Variants in RABL6 observed in about 807,000 individuals in gnomAD.
The protein encoded by RABL6 is rab-like protein 6.
Under a neutral mutation model 72.9 loss-of-function variants are expected in RABL6, and 28 were observed. The ratio of observed to expected loss-of-function variants is 0.38; its 90% CI spans 0.28 to 0.53. The LOEUF is 0.53. Ranked by LOEUF, RABL6 falls within the 20% of genes least tolerant of loss-of-function variation. RABL6 has a pLI of 0.80. For missense variants in RABL6, 1,029 were observed against 1,008.4 expected (o/e 1.02, Z -0.28); for synonymous variants, 477 against 421.2 (o/e 1.13, Z -1.62).
intron 7 of RABL6, among the ~76,000 whole-genome samples, chr9:136,834,815 C>T (rs1225675407): frequency 1.3e-5 from 2 of 151,720 alleles, no homozygotes; most frequent in Non-Finnish European, 2.9e-5. Context: ...AGGCTGGGCG[C>T]AGTGGCTCAC....
At position 136,839,285 on chromosome 9, in the gene RABL6, C is replaced by T. The variant is rs1848642377; in HGVS notation, c.1557C>T (p.Pro519=). The T allele has an allele frequency of 1.2e-6, 2 of 1,610,592 alleles. No homozygotes were observed. Among genetic ancestry groups the T allele is most frequent in the African/African-American group, 1.3e-5 (1 of 74,898 alleles). Residue 519 remains proline, a synonymous_variant, in exon 12 of 15, where the codon CCC becomes CCT. Coordinates refer to ENST00000311502, the MANE Select transcript of RABL6 (RefSeq NM_024718.5). ...CTCCCACGAGGACCGCAGCACCCCC[C>T]TGGCCAGGCGGTGTCTCTGTTCGCA... ...GTAPTRTAAP[P]WPGGVSVRTG...
intron 7 of RABL6, chr9:136,834,462 C>T (rs754477997): frequency 9.0e-4 from 886 of 984,540 alleles, no homozygotes; most frequent in Non-Finnish European, 1.0e-3. Context: ...TTGTTATAGC[C>T]TGGGGACCTT....
At chr9:136,817,304 C>G (rs1428779961) in intron 1 of RABL6, among the ~76,000 whole-genome samples, 2 of 152,086 alleles carry the variant, frequency 1.3e-5, no homozygotes, top group African/African-American at 4.8e-5. Flanking sequence ...TGAGGACTTT[C>G]CAGAGTTCAT....
intron 1 of RABL6, among the ~76,000 whole-genome samples, chr9:136,819,191 G>A (rs1016772422): frequency 5.3e-5 from 8 of 151,898 alleles, no homozygotes; most frequent in South Asian, 4.2e-4. Flanking sequence ...GCGTGGTGGC[G>A]GGCGCCTGTA....
In RABL6 at chr9:136,837,633, C is replaced by A; in HGVS notation, c.1097C>A (p.Pro366His). The A allele has an allele frequency of 1.3e-5, 21 of 1,596,892 alleles. No homozygotes were observed. The highest frequency in any genetic ancestry group is 1.6e-5 in the Non-Finnish European group (19 of 1,173,382). The change falls in exon 9 of 15, where the codon CCT becomes CAT. Residue 366 changes from proline (P) to histidine (H), a missense_variant. Transcript: ENST00000311502. ...SIISRLFGTS[P>H]ATEAAPPPPE... is the part of the protein sequence containing the mutation. ...ATCTCTAGGCTGTTTGGGACGTCAC[C>A]TGCCACCGAGGCAGCCCCTCCACCT...
chr9:136,838,200 C>T (rs143909013), intron 10 of RABL6, among the ~76,000 whole-genome samples, 185 bp downstream of exon 10: 1,955 of 152,334 alleles, frequency 0.013, 53 homozygotes, highest in African/African-American at 0.042. Context: ...GGCTTCCAGA[C>T]ATCAGAAAGG....
At chr9:136,832,184 CCACAG>C in intron 6 of RABL6, 76 bp from the exon 7 acceptor site, 1 of 1,333,196 alleles carries the variant, frequency 7.5e-7, no homozygotes, top group Non-Finnish European at 1.1e-6. Context: ...CAGTGCGGAC[CCACAG>C]CTGTGGGCCC....
intron 3 of RABL6, 80 bp from the exon 4 acceptor site, chr9:136,828,414 G>A: frequency 7.0e-7 from 1 of 1,432,880 alleles, no homozygotes; most frequent in Non-Finnish European, 9.7e-7. Context: ...GGGGCTGAGT[G>A]GCCATGGGGG....
In RABL6 at chr9:136,841,052, T is replaced by C. The variant is rs2131211134; in HGVS notation, c.*530T>C. ...GAGACCGAAGGCAGCATGTGAGGCC[T>C]CTCCTGGGAGTGGGGGTTGTGTTTC... On this transcript the variant is annotated 3_prime_UTR_variant, in exon 15 of 15. Transcript: ENST00000311502. 6 of 1,418,404 alleles carry C rather than the reference T, an allele frequency of 4.2e-6. No individual in the cohort carries two copies. The South Asian group carries it at 7.8e-5, about 19-fold the overall frequency. The allele number at this position is 1,418,404 out of a possible 1,614,324, so 87.9% of individuals were successfully genotyped here. A position where few individuals can be genotyped will look rare whatever the true frequency, so the allele number is the denominator to read the frequency against.
chr9:136,822,738 G>A (rs1361269042), intron 1 of RABL6, among the ~76,000 whole-genome samples: 1 of 152,156 alleles, frequency 6.6e-6, no homozygotes, highest in Non-Finnish European at 1.5e-5. Flanking sequence ...GGGGCTACCC[G>A]GCACACACGC....
chr9:136,828,350 G>A (rs1364186720), intron 3 of RABL6, 144 bp from the exon 4 acceptor site: 3 of 750,676 alleles, frequency 4.0e-6, no homozygotes, highest in Non-Finnish European at 6.8e-6. Flanking sequence ...GAGCTTGTGG[G>A]TGCCCACGCT....
chr9:136,835,771 G>T lies in RABL6; in HGVS notation c.735G>T (p.Thr245=). Reference sequence around the variant, plus strand: ...AGACGCTGTTGCGGCAGCTGGAGACGAACCAGCTGGACATGGACGCCACGC... The same window carrying T: ...AGACGCTGTTGCGGCAGCTGGAGACTAACCAGCTGGACATGGACGCCACGC... ...QRETLLRQLE[T]NQLDMDATLE... is the part of the protein sequence containing the mutation. The change falls in exon 8 of 15, where the codon ACG becomes ACT. Residue 245 remains threonine, a synonymous_variant. Coordinates refer to ENST00000311502, the MANE Select transcript of RABL6 (RefSeq NM_024718.5). 6.4e-7 allele frequency: 1 copy of T among 1,550,866 alleles called. No homozygotes were observed. The highest frequency in any genetic ancestry group is 2.4e-5 in the East Asian group (1 of 41,032).
At chr9:136,822,142 G>C (rs796314297) in intron 1 of RABL6, 1 of 1,222,596 alleles carries the variant, frequency 8.2e-7, no homozygotes, top group African/African-American at 1.6e-5. Context: ...TCAGAGCTTC[G>C]AGGCCGGGCG....
Position 136,826,009 on chromosome 9 carries a change from T to C in RABL6, c.313+183T>C, listed in dbSNP as rs549657412. Reference sequence around the variant, plus strand: ...CCCCGCAGCGTGGCGCAGCCCCTCCTGTGGCACTGCATGCTTTGCTGCTTT... The same window carrying C: ...CCCCGCAGCGTGGCGCAGCCCCTCCCGTGGCACTGCATGCTTTGCTGCTTT... On this transcript the variant is annotated intron_variant, in intron 3 of 14. Transcript: ENST00000311502. This position sits in a 1 kb window ranked among gnomAD's most constrained non-coding sequence, Gnocchi z 4.9. Among the ~76,000 whole-genome samples the C allele has an allele frequency of 3.9e-5, 6 of 152,300 alleles. No homozygotes were observed. The highest frequency in any genetic ancestry group is 3.9e-4 in the Admixed American group (6 of 15,300).
intron 2 of RABL6, 44 bp from the exon 3 acceptor site, chr9:136,825,735 G>A: frequency 6.3e-7 from 1 of 1,598,556 alleles, no homozygotes; most frequent in Non-Finnish European, 8.6e-7. Flanking sequence ...GCCACCTTGG[G>A]AACTTCATGT....
Position 136,812,987 on chromosome 9 carries a change from C to T in RABL6, c.130+4661C>T, listed in dbSNP as rs970762987. 9.8e-5 allele frequency: 35 copies of T among 358,802 alleles called. 1 individual carries two copies. The East Asian group carries it at 2.1e-3, about 22-fold the overall frequency. The allele number at this position is 358,802 out of a possible 1,614,324, so 22.2% of individuals were successfully genotyped here. ...TTGTTTCCCTCAATTTCACCATCTT[C>T]CGCGGCCTCCTTGGCGCTTTTGGCA... is the stretch of plus-strand genomic sequence containing the variant. On this transcript the variant is annotated intron_variant, in intron 1 of 14. Coordinates refer to ENST00000311502, the MANE Select transcript of RABL6 (RefSeq NM_024718.5).
intron 5 of RABL6, among the ~76,000 whole-genome samples, chr9:136,830,084 G>A (rs1848440737): frequency 6.6e-6 from 1 of 152,238 alleles, no homozygotes; most frequent in Non-Finnish European, 1.5e-5. Flanking sequence ...AGGGCCGCGT[G>A]AAGACCAGTG....
At chr9:136,821,352 G>C (rs1848232097) in intron 1 of RABL6, 1 of 985,310 alleles carries the variant, frequency 1.0e-6, no homozygotes, top group Non-Finnish European at 1.2e-6. Context: ...ACCCGGAGAC[G>C]GGACCACCGC....
At chr9:136,837,209 G>A (rs1190831852) in intron 8 of RABL6, 137 bp from the exon 9 acceptor site, 3 of 987,682 alleles carry the variant, frequency 3.0e-6, no homozygotes, top group Non-Finnish European at 4.7e-6. Context: ...TGGGGATGAT[G>A]GCCTCTGTGG....
Sources: gnomAD v4.1 joint callset for allele counts (sites outside exome capture counted in the v4.1 genomes callset) on GRCh38, gnomAD v4.1.1 for gene constraint, Gnocchi (gnomAD v3.1) non-coding constraint, MANE v1.5 for transcripts, NCBI Gene and HGNC (gene_info 2026-07-23, HGNC 2026-07-21) for gene names.